Variants in SUMF1 observed in about 807,000 individuals in gnomAD.
The protein encoded by SUMF1 is formylglycine-generating enzyme.
In SUMF1, 48 loss-of-function variants were observed where a neutral mutation model predicts 47.6. The ratio of observed to expected loss-of-function variants is 1.01; its 90% CI spans 0.80 to 1.28. The LOEUF is 1.28. Among genes scored for constraint, SUMF1 ranks in the 50% most tolerant of loss-of-function variants. The pLI, the probability that SUMF1 is intolerant of heterozygous loss-of-function variation, is 0.00. For synonymous variants in SUMF1, 230 were observed against 192.1 expected, an observed-to-expected ratio of 1.20 and a Z score of -1.63; for missense variants, 571 against 485.4, an observed-to-expected ratio of 1.18 and a Z score of -1.66.
chr3:4,370,795 T>C (rs1231681951), intron 8 of SUMF1, among the ~76,000 whole-genome samples: 1 of 152,256 alleles, frequency 6.6e-6, no homozygotes. Context: ...TGATCTTTAC[T>C]ATGTATTTTC....
intron 8 of SUMF1, among the ~76,000 whole-genome samples, chr3:4,102,642 A>G (rs1693062416): frequency 1.3e-5 from 2 of 152,134 alleles, no homozygotes; most frequent in Admixed American, 6.5e-5. Flanking sequence ...CATGTTCTAC[A>G]TTGCTTAGTA....
chr3:4,139,221 T>C (rs924393809), intron 8 of SUMF1, among the ~76,000 whole-genome samples: 1 of 152,094 alleles, frequency 6.6e-6, no homozygotes, highest in Non-Finnish European at 1.5e-5. Flanking sequence ...AAGAAGTTAC[T>C]GACATCATTG....
intron 8 of SUMF1, among the ~76,000 whole-genome samples, chr3:4,229,959 G>C (rs1696261818): frequency 6.6e-6 from 1 of 151,986 alleles, no homozygotes; most frequent in South Asian, 2.1e-4. Context: ...ACTGCAGTCA[G>C]CTATAATTGC....
downstream of SUMF1, among the ~76,000 whole-genome samples, chr3:4,357,482 A>G (rs1256461531): frequency 3.9e-5 from 6 of 152,094 alleles, 1 homozygote; most frequent in Admixed American, 3.3e-4. Context: ...TTTTTTGTCA[A>G]TAGAATTCTC....
chr3:4,147,882 C>A (rs1386405579), intron 8 of SUMF1, among the ~76,000 whole-genome samples: 3 of 152,072 alleles, frequency 2.0e-5, no homozygotes, highest in Non-Finnish European at 2.9e-5. Context: ...AGCCATTAGG[C>A]CTTCTAAATA....
At chr3:4,340,105 GCACACA>G (rs143927076) in intron 8 of SUMF1, among the ~76,000 whole-genome samples, 2 of 150,568 alleles carry the variant, frequency 1.3e-5, no homozygotes, top group Admixed American at 6.6e-5. Context: ...GCACCAATGT[GCACACA>G]CACACACACA....
intron 8 of SUMF1, among the ~76,000 whole-genome samples, chr3:4,196,521 T>C (rs1449377006): frequency 2.0e-5 from 3 of 152,142 alleles, no homozygotes; most frequent in East Asian, 3.9e-4. Context: ...TCTGCATTCC[T>C]AGCCCTGGCA....
intron 8 of SUMF1, among the ~76,000 whole-genome samples, chr3:4,164,171 T>C (rs1432542902): frequency 6.6e-6 from 1 of 152,142 alleles, no homozygotes; most frequent in Non-Finnish European, 1.5e-5. Flanking sequence ...GACCAAAGTC[T>C]CCCAATTACA....
intron 8 of SUMF1, among the ~76,000 whole-genome samples, chr3:4,217,580 A>C (rs1553610113): frequency 9.7e-6 from 1 of 102,778 alleles, no homozygotes; most frequent in Non-Finnish European, 2.1e-5. Context: ...ACCTTCAGAG[A>C]CAACATTTTG....
intron 3 of SUMF1, among the ~76,000 whole-genome samples, chr3:4,447,045 T>G (rs887871063): frequency 6.6e-6 from 1 of 152,142 alleles, no homozygotes; most frequent in African/African-American, 2.4e-5. Flanking sequence ...ATGTGGCACC[T>G]GGATGGGGCT....
At chr3:4,217,523 T>TATATATATTATATATTATATATTATA (rs1553610090) in intron 8 of SUMF1, among the ~76,000 whole-genome samples, 1 of 48,594 alleles carries the variant, frequency 2.1e-5, no homozygotes, top group Admixed American at 1.9e-4. Context: ...TTTATATATA[T>TATATATATTATATATTATATATTATA]ATATATATAT....
At chr3:4,101,852 C>T (rs1242544452) in intron 8 of SUMF1, among the ~76,000 whole-genome samples, 1 of 152,120 alleles carries the variant, frequency 6.6e-6, no homozygotes, top group African/African-American at 2.4e-5. Flanking sequence ...CTACCTGAGA[C>T]TGGGTAATTT....
chr3:4,346,100 T>C (rs1215386071), intron 8 of SUMF1, among the ~76,000 whole-genome samples: 1 of 151,984 alleles, frequency 6.6e-6, no homozygotes, highest in African/African-American at 2.4e-5. Flanking sequence ...CACTCCACTA[T>C]CAGTATTAGA....
chr3:4,250,216 A>C (rs1696766107), intron 8 of SUMF1, among the ~76,000 whole-genome samples: 1 of 148,638 alleles, frequency 6.7e-6, no homozygotes. Context: ...GAGAAAAGAA[A>C]GGAAAGAAAG....
intron 8 of SUMF1, among the ~76,000 whole-genome samples, chr3:4,134,590 C>G (rs537256661): frequency 6.6e-6 from 1 of 152,110 alleles, no homozygotes; most frequent in South Asian, 2.1e-4. Flanking sequence ...CATTCAAAAG[C>G]AGAAGGCAGA....
At chr3:4,353,942 C>T (rs1179376210) in intron 8 of SUMF1, among the ~76,000 whole-genome samples, 2 of 152,142 alleles carry the variant, frequency 1.3e-5, no homozygotes, top group Admixed American at 6.5e-5. Context: ...TAGCAAACTC[C>T]TGAGGTCAAG....
chr3:4,259,112 G>A (rs1697028714), intron 8 of SUMF1, among the ~76,000 whole-genome samples: 2 of 132,974 alleles, frequency 1.5e-5, no homozygotes, highest in Admixed American at 1.6e-4. Context: ...GGGGACTGTG[G>A]TGGGGTGGGG....
At chr3:4,065,202 A>ATGCTTTTTCTCAC (rs1280300930) in intron 9 of SUMF1, among the ~76,000 whole-genome samples, 1 of 151,758 alleles carries the variant, frequency 6.6e-6, no homozygotes, top group Non-Finnish European at 1.5e-5. Context: ...GCATTTCAAG[A>ATGCTTTTTCTCAC]TGCTTTTTCT....
chr3:4,187,435 T>C (rs1394099478), intron 8 of SUMF1, among the ~76,000 whole-genome samples: 1 of 150,510 alleles, frequency 6.6e-6, no homozygotes, highest in Non-Finnish European at 1.5e-5. Flanking sequence ...AAACATTTGA[T>C]TTTTTTTTTC....
Sources: allele counts gnomAD v4.1 joint callset (sites outside exome capture counted in the v4.1 genomes callset), GRCh38; gene constraint gnomAD v4.1.1; transcripts MANE v1.5; gene names NCBI Gene and HGNC (gene_info 2026-07-23, HGNC 2026-07-21).